Variants in SNRPB observed in about 807,000 individuals in gnomAD.
SNRPB encodes the protein small nuclear ribonucleoprotein-associated proteins B and B'.
SNRPB carries 5 observed loss-of-function variants against 26.6 expected under a neutral mutation model. The ratio of observed to expected loss-of-function variants is 0.19; its 90% CI spans 0.10 to 0.39. SNRPB has a LOEUF of 0.39. Among genes scored for constraint, SNRPB ranks in the 10% least tolerant of loss-of-function variants. The pLI, the probability that SNRPB is intolerant of heterozygous loss-of-function variation, is 1.00. For synonymous variants in SNRPB, 122 were observed against 105.8 expected, an observed-to-expected ratio of 1.15 and a Z score of -0.94; for missense variants, 211 against 311.9, an observed-to-expected ratio of 0.68 and a Z score of 2.44.
intron 5 of SNRPB, 134 bp downstream of exon 5, chr20:2,462,955 C>T: frequency 9.7e-7 from 1 of 1,034,792 alleles, no homozygotes. Context: ...CATCAGTCAG[C>T]CACGCTGGAT....
chr20:2,467,466 G>T, intron 2 of SNRPB, 141 bp downstream of exon 2: 1 of 737,826 alleles, frequency 1.4e-6, no homozygotes, highest in Non-Finnish European at 2.3e-6. Flanking sequence ...AGCGTTCAAT[G>T]TCCCCATTTA....
chr20:2,462,709 C>A lies in SNRPB; in HGVS notation c.612G>T (p.Gly204=). The change falls in exon 6 of 7, where the codon GGG becomes GGT. Residue 204 remains glycine (G), a synonymous_variant. Coordinates refer to ENST00000381342, the MANE Select transcript of SNRPB (RefSeq NM_003091.4). ...TTGGAGTCCCTCTTCCAGGGGGGATCCCCATTGGGGGACCCATAGGAGGTC... is the reference window on the plus strand; with the variant it reads ...TTGGAGTCCCTCTTCCAGGGGGGATACCCATTGGGGGACCCATAGGAGGTC... ...GMRPPMGPPM[G]IPPGRGTPMG... 2 of 1,594,052 alleles carry A rather than the reference C, an allele frequency of 1.3e-6. No homozygotes were observed. Among genetic ancestry groups the A allele is most frequent in the South Asian group, 2.2e-5 (2 of 89,504 alleles).
rs779274267 is a variant in SNRPB, at chr20:2,470,638, T to TC, written c.3+49dup. 9 of 1,612,570 alleles carry TC rather than the reference T, an allele frequency of 5.6e-6. No homozygotes were observed. In the African/African-American group the frequency reaches 1.2e-4, roughly 22 times the overall value. On this transcript the variant is annotated intron_variant, in intron 1 of 6. Transcript: ENST00000381342. ...CTCCCCGATCAGTCGCGGTTCCCAC[T>TC]CCACAACAGACTCGGAAGCTCCCGC...
intron 2 of SNRPB, chr20:2,467,342 AC>A (rs1161514114): frequency 1.8e-6 from 1 of 566,482 alleles, no homozygotes; most frequent in South Asian, 1.5e-5. Flanking sequence ...AGAGCCCTTT[AC>A]CCCAGTACCC....
In SNRPB at chr20:2,467,590, C is replaced by G. The variant is rs564771989; in HGVS notation, c.155+17G>C. ...TTCCCATCCTCCAGTCTCCGCCCCC[C>G]ACAGTCCACTCCTCACTTGATCTTT... On this transcript the variant is annotated intron_variant, in intron 2 of 6. Coordinates refer to ENST00000381342, the MANE Select transcript of SNRPB (RefSeq NM_003091.4). 6 of 1,612,160 alleles carry G rather than the reference C, an allele frequency of 3.7e-6. No individual in the cohort carries two copies. Among genetic ancestry groups the G allele is most frequent in the African/African-American group, 1.3e-5 (1 of 74,996 alleles).
intron 3 of SNRPB, among the ~76,000 whole-genome samples, chr20:2,464,897 C>G (rs551671141): frequency 5.2e-4 from 79 of 151,356 alleles, no homozygotes; most frequent in Non-Finnish European, 1.3e-4. Context: ...AAAAAAAAAC[C>G]CTTCAAATGA....
chr20:2,468,655 G>C (rs1196813907), intron 1 of SNRPB, among the ~76,000 whole-genome samples: 3 of 152,240 alleles, frequency 2.0e-5, no homozygotes, highest in Admixed American at 1.3e-4. Context: ...GCCGGGCTCA[G>C]TGGCTCACTC....
In SNRPB at chr20:2,467,765, G is replaced by A. The variant is rs6138176; in HGVS notation, c.4-7C>T. The A allele has an allele frequency of 4.3e-6, 7 of 1,613,406 alleles. No individual in the cohort carries two copies. The African/African-American group carries it at 5.3e-5, about 12-fold the overall frequency. On this transcript the variant is annotated splice_region_variant and splice_polypyrimidine_tract_variant and intron_variant, in intron 1 of 6. Transcript: ENST00000381342. ...TGCTGCTCTTGCCCACCGTCTGCAA[G>A]GAGAAATGGACAGGGATGAGACTCT...
At position 2,463,626 on chromosome 20, in the gene SNRPB, G is replaced by T. The variant is rs2085050957; in HGVS notation, c.420+121C>A. 1.3e-6 allele frequency: 1 copy of T among 748,702 alleles called. No homozygotes were observed. Among genetic ancestry groups the T allele is most frequent in the East Asian group, 2.6e-5 (1 of 38,710 alleles). The allele number at this position is 748,702 out of a possible 1,614,324, so 46.4% of individuals were successfully genotyped here. On this transcript the variant is annotated intron_variant, in intron 4 of 6. Coordinates refer to ENST00000381342, the MANE Select transcript of SNRPB (RefSeq NM_003091.4). The surrounding 1 kb of genome is among the most constrained non-coding windows in gnomAD (Gnocchi z 5.0). ...TCTAGGGCCATGTATAAACCACAGT[G>T]AAACACTGATAGTCTGACAATCACA...
At position 2,470,781 on chromosome 20, in the gene SNRPB, C is replaced by CCGCGAGTTTCTTTTTTTTTGTT; in HGVS notation, c.-92_-91insAACAAAAAAAAAGAAACTCGCG. On this transcript the variant is annotated 5_prime_UTR_variant, in exon 1 of 7. Transcript: ENST00000381342. ...ACAGCCGATTTCCCGCCGCCGCTAC[C>CCGCGAGTTTCTTTTTTTTTGTT]GGAAATGCAGCACCACGTAAAATGC... The CCGCGAGTTTCTTTTTTTTTGTT allele has an allele frequency of 6.7e-7, 1 of 1,502,320 alleles. No homozygotes were observed. Among genetic ancestry groups the CCGCGAGTTTCTTTTTTTTTGTT allele is most frequent in the Non-Finnish European group, 9.2e-7 (1 of 1,085,224 alleles). The allele number at this position is 1,502,320 out of a possible 1,614,324, so 93.1% of individuals were successfully genotyped here. A position where few individuals can be genotyped will look rare whatever the true frequency, so the allele number is the denominator to read the frequency against.
At chr20:2,462,828 A>G in intron 5 of SNRPB, 67 bp from the exon 6 acceptor site, 3 of 1,351,368 alleles carry the variant, frequency 2.2e-6, no homozygotes, top group Non-Finnish European at 3.0e-6. Flanking sequence ...AAAAAACTAC[A>G]AAGCTTTCCA....
In SNRPB at chr20:2,463,979, G is replaced by A. The variant is rs936345113; in HGVS notation, c.268-80C>T. 2 of 1,258,834 alleles carry A rather than the reference G, an allele frequency of 1.6e-6. No individual in the cohort carries two copies. The highest frequency in any genetic ancestry group is 2.3e-6 in the Non-Finnish European group (2 of 868,604). 78.0% of individuals were successfully genotyped at this position (1,258,834 alleles called of 1,614,324 possible). On this transcript the variant is annotated intron_variant, in intron 3 of 6. Coordinates refer to ENST00000381342, the MANE Select transcript of SNRPB (RefSeq NM_003091.4). The surrounding 1 kb of genome is among the most constrained non-coding windows in gnomAD (Gnocchi z 5.0). ...ACTTTGGAATATCATTGCCAAGAGAGCCCCTCGAAATAGCTTATAAATACT... is the reference window on the plus strand; with the variant it reads ...ACTTTGGAATATCATTGCCAAGAGAACCCCTCGAAATAGCTTATAAATACT...
Position 2,463,162 on chromosome 20 carries a change from G to A in SNRPB, c.486C>T (p.Ala162=), listed in dbSNP as rs781713014. The A allele has an allele frequency of 2.5e-5, 40 of 1,612,206 alleles. No individual in the cohort carries two copies. The South Asian group carries it at 3.0e-4, about 12-fold the overall frequency. The part of the protein sequence containing the change: ...AAAAAATASI[A]GAPTQYPPGR... ...CAGGTGGGTACTGGGTTGGAGCCCC[G>A]GCAATACTGGCTGTGGCAGCAGCTG... Residue 162 remains alanine (A), a synonymous_variant, in exon 5 of 7, where the codon GCC becomes GCT. Coordinates refer to ENST00000381342, the MANE Select transcript of SNRPB (RefSeq NM_003091.4). This position sits in a 1 kb window ranked among gnomAD's most constrained non-coding sequence, Gnocchi z 5.0.
chr20:2,470,172 G>A (rs1233917584), intron 1 of SNRPB, among the ~76,000 whole-genome samples: 1 of 152,208 alleles, frequency 6.6e-6, no homozygotes, highest in Admixed American at 6.5e-5. Context: ...GAGCAACTGA[G>A]TGGAGCTCTT....
Position 2,462,752 on chromosome 20 carries a change from C to T in SNRPB, c.569G>A (p.Gly190Asp). ...AGGAGGTCTCATACCAGGAGGTGGG[C>T]CCATCATGCCTGCAAGAGAAAAGCC... Reference protein sequence around the residue: ...GRGAPPPGMMGPPPGMRPPMG... With the variant: ...GRGAPPPGMMDPPPGMRPPMG... Residue 190 changes from glycine to aspartate, a missense_variant, in exon 6 of 7, where the codon GGC becomes GAC. Transcript: ENST00000381342. The T allele has an allele frequency of 6.5e-7, 1 of 1,537,184 alleles. No homozygotes were observed. Among genetic ancestry groups the T allele is most frequent in the Non-Finnish European group, 8.7e-7 (1 of 1,145,238 alleles).
Position 2,463,239 on chromosome 20 carries a change from T to C in SNRPB, c.421-12A>G. Reference sequence around the variant, plus strand: ...TGTGGGGTCATCACCTAAGAGGACATAAGAAGAAAGAGTTAGAAGAGTACA... The same window carrying C: ...TGTGGGGTCATCACCTAAGAGGACACAAGAAGAAAGAGTTAGAAGAGTACA... On this transcript the variant is annotated splice_polypyrimidine_tract_variant and intron_variant, in intron 4 of 6. Coordinates refer to ENST00000381342, the MANE Select transcript of SNRPB (RefSeq NM_003091.4). The surrounding 1 kb of genome is among the most constrained non-coding windows in gnomAD (Gnocchi z 5.0). The C allele has an allele frequency of 1.2e-6, 2 of 1,605,896 alleles. No individual in the cohort carries two copies. Among genetic ancestry groups the C allele is most frequent in the Non-Finnish European group, 1.7e-6 (2 of 1,172,816 alleles).
At chr20:2,468,578 A>C (rs1005644836) in intron 1 of SNRPB, among the ~76,000 whole-genome samples, 1 of 152,214 alleles carries the variant, frequency 6.6e-6, no homozygotes, top group Non-Finnish European at 1.5e-5. Flanking sequence ...ACATCTGTTC[A>C]TCTCTGTGAG....
chr20:2,465,842 CAA>C (rs1338222349), intron 2 of SNRPB, 23 bp from the exon 3 acceptor site: 6 of 1,587,444 alleles, frequency 3.8e-6, no homozygotes, highest in Non-Finnish European at 5.2e-6. Flanking sequence ...TTAGAAGGAA[CAA>C]AAAAAGTGTT....
At chr20:2,466,234 CCTT>C (rs1217174094) in intron 2 of SNRPB, among the ~76,000 whole-genome samples, 1 of 152,202 alleles carries the variant, frequency 6.6e-6, no homozygotes, top group African/African-American at 2.4e-5. Context: ...CGTGCAGTGT[CCTT>C]CTAATATCAA....
Sources: allele counts gnomAD v4.1 joint callset (sites outside exome capture counted in the v4.1 genomes callset), GRCh38; gene constraint gnomAD v4.1.1; non-coding constraint Gnocchi (gnomAD v3.1); transcripts MANE v1.5; gene names NCBI Gene and HGNC (gene_info 2026-07-23, HGNC 2026-07-21).